The following RBFOX1 variants were observed in gnomAD, a reference collection of about 807,000 sequenced individuals.
The protein encoded by RBFOX1 is RNA binding protein fox-1 homolog 1.
A neutral mutation model predicts 57.7 loss-of-function variants in RBFOX1; 8 were observed. That is an observed-to-expected ratio of 0.14 (90% CI 0.08 to 0.25). RBFOX1 has a LOEUF of 0.25. RBFOX1 is among the 10% of genes least tolerant of loss of function. RBFOX1 has a pLI of 1.00. For synonymous variants in RBFOX1, 326 were observed against 222.4 expected (o/e 1.47, Z -4.15); for missense variants, 611 against 548.5 (o/e 1.11, Z -1.14).
intron 1 of RBFOX1, among the ~76,000 whole-genome samples, chr16:6,101,812 C>T (rs541601706): frequency 2.0e-5 from 3 of 152,286 alleles, no homozygotes; most frequent in Admixed American, 6.5e-5. Context: ...TGCCCAAATC[C>T]TGCACATATC....
At chr16:6,741,288 A>G (rs756559782) in intron 3 of RBFOX1, among the ~76,000 whole-genome samples, 2 of 152,230 alleles carry the variant, frequency 1.3e-5, no homozygotes, top group African/African-American at 4.8e-5. Flanking sequence ...AGGCAATCCT[A>G]TAGGAAAAAT....
At chr16:6,774,305 C>T (rs1038426879) in intron 3 of RBFOX1, among the ~76,000 whole-genome samples, 3 of 152,088 alleles carry the variant, frequency 2.0e-5, no homozygotes, top group African/African-American at 7.2e-5. Flanking sequence ...GATGGTGCCC[C>T]TCCAGGAAAG....
intron 1 of RBFOX1, among the ~76,000 whole-genome samples, chr16:6,150,384 A>G (rs909781022): frequency 6.6e-6 from 1 of 152,168 alleles, no homozygotes; most frequent in African/African-American, 2.4e-5. Flanking sequence ...GTGAGGATCT[A>G]TCTCAAGGCA....
At chr16:7,298,857 C>T (rs1057106034) in intron 4 of RBFOX1, among the ~76,000 whole-genome samples, 4 of 151,956 alleles carry the variant, frequency 2.6e-5, no homozygotes, top group Non-Finnish European at 5.9e-5. Flanking sequence ...AGGAGGAGGA[C>T]GAGGAAGACA....
intron 1 of RBFOX1, among the ~76,000 whole-genome samples, chr16:6,042,414 C>G (rs1157080162): frequency 6.6e-6 from 1 of 152,098 alleles, no homozygotes; most frequent in Non-Finnish European, 1.5e-5. Flanking sequence ...TCTTCCATTT[C>G]TAAGGTTCTC....
chr16:5,957,589 C>G (rs1036160218), intron 4 of RBFOX1, among the ~76,000 whole-genome samples: 1 of 152,170 alleles, frequency 6.6e-6, no homozygotes, highest in Non-Finnish European at 1.5e-5. Context: ...TATGTGGAAG[C>G]AGGAGTCTCT....
At chr16:7,347,570 A>G (rs984819600) in intron 4 of RBFOX1, among the ~76,000 whole-genome samples, 3 of 152,078 alleles carry the variant, frequency 2.0e-5, no homozygotes, top group African/African-American at 7.2e-5. Flanking sequence ...TCAAGTGGAC[A>G]CCTGGAATTA....
intron 1 of RBFOX1, among the ~76,000 whole-genome samples, chr16:6,189,006 A>G (rs1211579449): frequency 6.6e-6 from 1 of 152,220 alleles, no homozygotes; most frequent in African/African-American, 2.4e-5. Flanking sequence ...ATATTTGAAC[A>G]TGTTTATTTA....
At chr16:6,037,080 G>C (rs750346369) in intron 1 of RBFOX1, 2 of 152,178 alleles carry the variant, frequency 1.3e-5, no homozygotes, top group East Asian at 1.9e-4. Flanking sequence ...TGGTGGGAGA[G>C]ATACTTACCT....
chr16:7,218,095 G>C (rs2152831568), intron 4 of RBFOX1, among the ~76,000 whole-genome samples: 1 of 152,196 alleles, frequency 6.6e-6, no homozygotes, highest in South Asian at 2.1e-4. Flanking sequence ...GTGTGTGTGT[G>C]TGCCCCTGAG....
intron 1 of RBFOX1, among the ~76,000 whole-genome samples, chr16:5,423,418 G>T (rs1263274875): frequency 1.3e-5 from 2 of 152,134 alleles, no homozygotes; most frequent in African/African-American, 2.4e-5. Context: ...AGAACTGTTC[G>T]ATCACCACAG....
At chr16:7,435,861 T>G (rs903933411) in intron 4 of RBFOX1, among the ~76,000 whole-genome samples, 2 of 152,170 alleles carry the variant, frequency 1.3e-5, no homozygotes, top group African/African-American at 4.8e-5. Context: ...ACTGTAGGAG[T>G]TGGCCTGCTG....
chr16:5,953,727 A>ATATAT (rs369925781), intron 4 of RBFOX1, among the ~76,000 whole-genome samples: 1,657 of 108,934 alleles, frequency 0.015, 12 homozygotes, highest in Middle Eastern at 0.047. Flanking sequence ...TATATATATA[A>ATATAT]AAAACACATT....
intron 3 of RBFOX1, among the ~76,000 whole-genome samples, chr16:6,926,408 C>G (rs1392509830): frequency 6.6e-6 from 1 of 152,192 alleles, no homozygotes; most frequent in Non-Finnish European, 1.5e-5. Flanking sequence ...GGGATCCTCA[C>G]CACACAGCAG....
intron 3 of RBFOX1, among the ~76,000 whole-genome samples, chr16:6,694,622 C>G (rs570912391): frequency 4.6e-5 from 7 of 152,296 alleles, no homozygotes; most frequent in South Asian, 2.1e-4. Context: ...TCCCAAAGTT[C>G]TGCCTTACAC....
chr16:7,644,505 G>A (rs536142498), intron 11 of RBFOX1, among the ~76,000 whole-genome samples: 1 of 152,302 alleles, frequency 6.6e-6, no homozygotes, highest in Non-Finnish European at 1.5e-5. Flanking sequence ...CAGAGTTTCT[G>A]TGGGAATATG....
intron 1 of RBFOX1, among the ~76,000 whole-genome samples, chr16:6,219,808 G>A (rs754576551): frequency 5.9e-5 from 9 of 152,194 alleles, no homozygotes; most frequent in East Asian, 1.9e-4. Context: ...CCCAGAAGGC[G>A]GAGGTTGCAG....
intron 1 of RBFOX1, among the ~76,000 whole-genome samples, chr16:6,310,037 GC>G (rs2080050185): frequency 6.6e-6 from 1 of 152,078 alleles, no homozygotes; most frequent in African/African-American, 2.4e-5. Context: ...ATAGGTGCCT[GC>G]CACCACGCCC....
intron 4 of RBFOX1, among the ~76,000 whole-genome samples, chr16:7,287,816 G>T (rs62014003): frequency 6.6e-6 from 1 of 151,854 alleles, no homozygotes; most frequent in Non-Finnish European, 1.5e-5. Flanking sequence ...ACATATATGG[G>T]GTATTACCCA....
Sources: allele counts gnomAD v4.1 joint callset (sites outside exome capture counted in the v4.1 genomes callset), GRCh38; gene constraint gnomAD v4.1.1; transcripts MANE v1.5; gene names NCBI Gene and HGNC (gene_info 2026-07-23, HGNC 2026-07-21).